Variants in PDLIM2 observed in about 807,000 individuals in gnomAD.
PDLIM2 encodes PDZ and LIM domain 2.
PDLIM2 carries 51 observed loss-of-function variants against 54.1 expected under a neutral mutation model. The ratio of observed to expected loss-of-function variants is 0.94; its 90% CI spans 0.75 to 1.19. PDLIM2 has a LOEUF of 1.19. PDLIM2 is among the 50% of genes most tolerant of loss of function. The pLI, the probability that PDLIM2 is intolerant of heterozygous loss-of-function variation, is 0.00. For missense variants in PDLIM2, 912 were observed against 874.0 expected (o/e 1.04, Z -0.55); for synonymous variants, 398 against 385.6 (o/e 1.03, Z -0.38).
intron 2 of PDLIM2, 197 bp downstream of exon 1, chr8:22,580,894 G>C (rs1289172701): frequency 1.4e-6 from 1 of 727,536 alleles, no homozygotes. Context: ...GACCTTGGGA[G>C]TGAAAGGGAG....
downstream of PDLIM2, chr8:22,594,953 A>G (rs1800654744): frequency 1.1e-5 from 3 of 260,964 alleles, no homozygotes; most frequent in East Asian, 3.0e-4. Context: ...AAATGAATGC[A>G]TGTGGCCAGT....
chr8:22,583,882 AAAGG>A (rs1800287970), intron 3 of PDLIM2, among the ~76,000 whole-genome samples: 1 of 132,832 alleles, frequency 7.5e-6, no homozygotes, highest in African/African-American at 2.7e-5. Flanking sequence ...AAAAAAAAAA[AAAGG>A]GCAGGATAAT....
chr8:22,581,895 C>T (rs1000555990), intron 3 of PDLIM2, among the ~76,000 whole-genome samples: 1 of 152,224 alleles, frequency 6.6e-6, no homozygotes, highest in Non-Finnish European at 1.5e-5. Context: ...AAGGTATGCC[C>T]GAGGCTGCAT....
chr8:22,595,961 G>GTTTT, downstream of PDLIM2: 1 of 143,216 alleles, frequency 7.0e-6, no homozygotes, highest in African/African-American at 2.6e-5. Context: ...TAATTTTTAA[G>GTTTT]TTTTTTTTTT....
exon 10 of PDLIM2, chr8:22,593,888 C>T: frequency 6.5e-7 from 1 of 1,548,912 alleles, no homozygotes; most frequent in East Asian, 2.4e-5. Flanking sequence ...TCCGCACCTG[C>T]CACCCTCAGC....
downstream of PDLIM2, chr8:22,594,612 G>A (rs1194083246): frequency 6.2e-7 from 1 of 1,614,008 alleles, no homozygotes; most frequent in African/African-American, 1.3e-5. Flanking sequence ...CGGAGGGACA[G>A]GAGGAAGACC....
At chr8:22,594,350 T>C, downstream of PDLIM2, 2 of 1,469,248 alleles carry the variant, frequency 1.4e-6, no homozygotes, top group Non-Finnish European at 1.8e-6. Flanking sequence ...TATGACCTGC[T>C]CCCACCACTG....
At chr8:22,593,410 TA>T (rs1183915893) in intron 9 of PDLIM2, 1 of 276,564 alleles carries the variant, frequency 3.6e-6, no homozygotes, top group Non-Finnish European at 6.8e-6. Context: ...AACCCGTCTC[TA>T]CTAAAAATAC....
Position 22,589,964 on chromosome 8 carries a change from G to A in PDLIM2, c.1513+223G>A, listed in dbSNP as rs1023850643. The A allele has an allele frequency of 2.3e-5, 13 of 577,746 alleles. No individual in the cohort carries two copies. In the East Asian group the frequency reaches 3.6e-4, roughly 16 times the overall value. The allele number at this position is 577,746 out of a possible 1,614,324, so 35.8% of individuals were successfully genotyped here. On this transcript the variant is annotated intron_variant, in intron 8 of 9. Coordinates refer to ENST00000308354, the Ensembl canonical transcript of PDLIM2. ...CCAGCGTGCTCCCACAGAGTAGTGGGCAGTAGCCAGCTGGGATGGGAAAGT... is the reference window on the plus strand; with the variant it reads ...CCAGCGTGCTCCCACAGAGTAGTGGACAGTAGCCAGCTGGGATGGGAAAGT...
intron 9 of PDLIM2, chr8:22,591,956 G>A (rs1800562376): frequency 7.0e-6 from 2 of 287,624 alleles, no homozygotes; most frequent in East Asian, 6.3e-5. Context: ...CTGCCCGGAG[G>A]TACAGCACAT....
rs1800247583 is a variant in PDLIM2 at position 22,582,855 on chromosome 8, C to G, written c.995+1325C>G. Among the ~76,000 whole-genome samples, 3 of 151,646 alleles carry G rather than the reference C, an allele frequency of 2.0e-5. No individual in the cohort carries two copies. The South Asian group carries it at 6.2e-4, about 32-fold the overall frequency. On this transcript the variant is annotated intron_variant, in intron 3 of 9. Coordinates refer to ENST00000308354, the Ensembl canonical transcript of PDLIM2. Reference sequence around the variant, plus strand: ...TCAGCCTCCCAAAGTGCTGGGATTACAGGTATTACACCGCGCCCGGCCCAG... The same window carrying G: ...TCAGCCTCCCAAAGTGCTGGGATTAGAGGTATTACACCGCGCCCGGCCCAG...
Position 22,589,358 on chromosome 8 carries a change from C to T in PDLIM2, c.1351C>T (p.Arg451Cys), listed in dbSNP as rs756955999. 41 of 1,534,716 alleles carry T rather than the reference C, an allele frequency of 2.7e-5. No homozygotes were observed. Among genetic ancestry groups the T allele is most frequent in the Admixed American group, 1.4e-4 (7 of 50,908 alleles). The change falls in exon 7 of 10, where the codon CGT becomes TGT. Residue 451 changes from arginine (R) to cysteine (C), a missense_variant. Arg to Cys is a radical substitution (Grantham distance 180). Transcript: ENST00000308354. ...GGTGCTGCCGCCTTCCCCGGGCCCT[C>T]GTTCCTCCAGGCCCAGGTACCAGCA... is the stretch of plus-strand genomic sequence containing the variant.
chr8:22,590,045 C>T, intron 8 of PDLIM2: 1 of 389,990 alleles, frequency 2.6e-6, no homozygotes, highest in Non-Finnish European at 4.7e-6. Flanking sequence ...CCAGGGAGGG[C>T]TTCTTGGAGG....
intron 8 of PDLIM2, chr8:22,590,494 G>A (rs1440193471): frequency 2.0e-5 from 3 of 152,218 alleles, no homozygotes; most frequent in Non-Finnish European, 4.4e-5. Context: ...GGAAGTGAGC[G>A]CTGCTGTGGG....
intron 6 of PDLIM2, among the ~76,000 whole-genome samples, chr8:22,586,096 T>G (rs980449753): frequency 6.6e-6 from 1 of 152,098 alleles, no homozygotes; most frequent in African/African-American, 2.4e-5. Context: ...ACGTCCAGCC[T>G]TTGGGGTGAT....
intron 3 of PDLIM2, 48 bp downstream of exon 2, chr8:22,581,578 C>A: frequency 6.5e-7 from 1 of 1,527,142 alleles, no homozygotes; most frequent in East Asian, 2.3e-5. Flanking sequence ...CCTCCTCCAC[C>A]ACCCCACGTA....
At chr8:22,580,971 TG>T in intron 2 of PDLIM2, 1 of 666,086 alleles carries the variant, frequency 1.5e-6, no homozygotes, top group Admixed American at 2.1e-5. Context: ...GGCAGCCATT[TG>T]GGGTGATTAC....
rs1467288655 is a variant in PDLIM2 at position 22,593,792 on chromosome 8, C to A, written c.1691C>A (p.Ala564Asp). Residue 564 changes from alanine to aspartate, a missense_variant, in exon 10 of 10, where the codon GCC (alanine) becomes GAC (aspartate). Ala to Asp is a moderately radical substitution (Grantham distance 126). Transcript: ENST00000308354. ...CGCCACCCCGGCTGCTACACCTGTG[C>A]CGACTGTGGGCTGAACCTGAAGATG... 1.9e-6 allele frequency: 3 copies of A among 1,605,514 alleles called. No individual in the cohort carries two copies. The Admixed American group carries it at 5.1e-5, about 27-fold the overall frequency.
chr8:22,589,484 T>A, intron 7 of PDLIM2, 110 bp downstream of exon 6: 1 of 1,528,170 alleles, frequency 6.5e-7, no homozygotes, highest in Non-Finnish European at 8.8e-7. Flanking sequence ...AGTTGGCTCC[T>A]CCACCTCCCA....
Sources: allele counts gnomAD v4.1 joint callset (sites outside exome capture counted in the v4.1 genomes callset), GRCh38; gene constraint gnomAD v4.1.1; transcripts MANE v1.5; gene names NCBI Gene and HGNC (gene_info 2026-07-23, HGNC 2026-07-21).